DAB1: variants seen among roughly 807,000 people sequenced by gnomAD.
DAB1 encodes the protein DAB adaptor protein 1, also known as disabled homolog 1.
DAB1 carries 15 observed loss-of-function variants against 64.6 expected under a neutral mutation model. The ratio of observed to expected loss-of-function variants is 0.23; its 90% CI spans 0.16 to 0.36. The LOEUF (loss-of-function observed/expected upper bound fraction) is 0.36. Ranked by LOEUF, DAB1 falls within the 10% of genes least tolerant of loss-of-function variation. The pLI is 1.00. For missense variants in DAB1, 596 were observed against 706.7 expected (o/e 0.84, Z 1.78); for synonymous variants, 235 against 251.9 (o/e 0.93, Z 0.64).
intron 3 of DAB1, among the ~76,000 whole-genome samples, chr1:58,373,893 T>A (rs1010110156): frequency 2.6e-4 from 39 of 150,832 alleles, no homozygotes; most frequent in African/African-American, 9.5e-4. Context: ...AGATGATATC[T>A]CATAGTGGTT....
intron 9 of DAB1, among the ~76,000 whole-genome samples, chr1:57,049,450 C>CAAA (rs574438911): frequency 0.049 from 1,199 of 24,556 alleles, 132 homozygotes; most frequent in South Asian, 0.067. Flanking sequence ...GACTCCGTCT[C>CAAA]AAAAAAAAAA....
intron 4 of DAB1, among the ~76,000 whole-genome samples, chr1:58,336,623 G>A (rs956505437): frequency 6.6e-6 from 1 of 152,086 alleles, no homozygotes; most frequent in Non-Finnish European, 1.5e-5. Flanking sequence ...CAAATTCTAG[G>A]CTCTTTTCAT....
chr1:57,691,140 A>G lies in DAB1; in HGVS notation n.552-41475T>C, dbSNP rs986860989. 3.9e-5 allele frequency among the ~76,000 whole-genome samples: 6 copies of G among 152,222 alleles called. No individual in the cohort carries two copies. In the South Asian group the frequency reaches 1.2e-3, roughly 32 times the overall value. ...CCTGGGTCGAGTGGGGACTTGGAGA[A>G]GTTTTCTGTCTAGCTAGGGGATTGT... On this transcript the variant is annotated intron_variant and non_coding_transcript_variant, in intron 6 of 20. Transcript: ENST00000485760.
intron 7 of DAB1, among the ~76,000 whole-genome samples, chr1:57,489,435 G>A (rs182346687): frequency 2.6e-4 from 40 of 152,116 alleles, no homozygotes; most frequent in African/African-American, 9.4e-4. Flanking sequence ...TCTGGGACTC[G>A]GGATGGGAAA....
intron 1 of DAB1, chr1:58,536,669 A>T (rs1340441010): frequency 2.3e-6 from 2 of 872,790 alleles, no homozygotes; most frequent in Non-Finnish European, 4.0e-6. Context: ...GCTTCCATTT[A>T]TTCTTCCTTA....
chr1:58,021,720 A>G (rs937314755), intron 5 of DAB1, among the ~76,000 whole-genome samples: 3 of 152,192 alleles, frequency 2.0e-5, no homozygotes, highest in Admixed American at 2.0e-4. Flanking sequence ...AAGAGAATGG[A>G]AGTCTGGAGG....
intron 4 of DAB1, among the ~76,000 whole-genome samples, chr1:58,264,530 G>A (rs1010493332): frequency 7.2e-5 from 11 of 152,176 alleles, no homozygotes; most frequent in African/African-American, 2.7e-4. Context: ...TTCAGACTTG[G>A]TTTTCCCAAT....
intron 4 of DAB1, among the ~76,000 whole-genome samples, chr1:58,228,130 A>T (rs1054490874): frequency 1.3e-5 from 2 of 152,184 alleles, no homozygotes; most frequent in Non-Finnish European, 2.9e-5. Flanking sequence ...GGAGTAAGAG[A>T]TGGAGCAGTA....
At chr1:57,436,370 A>C (rs764683086) in intron 7 of DAB1, among the ~76,000 whole-genome samples, 4 of 152,180 alleles carry the variant, frequency 2.6e-5, no homozygotes, top group Admixed American at 6.5e-5. Context: ...CATATGACGG[A>C]TCAAACTACT....
At chr1:57,062,342 C>T (rs562893689) in intron 9 of DAB1, among the ~76,000 whole-genome samples, 2 of 152,004 alleles carry the variant, frequency 1.3e-5, no homozygotes, top group Non-Finnish European at 2.9e-5. Flanking sequence ...TCCTACTGTC[C>T]CTTTGAAACT....
chr1:58,528,587 G>A (rs1471532640), intron 1 of DAB1, among the ~76,000 whole-genome samples: 5 of 152,164 alleles, frequency 3.3e-5, no homozygotes, highest in Non-Finnish European at 7.4e-5. Context: ...TCTAGGGAAT[G>A]GGGGTCAGAA....
intron 5 of DAB1, among the ~76,000 whole-genome samples, chr1:58,010,993 C>G (rs568172925): frequency 6.6e-6 from 1 of 152,342 alleles, no homozygotes; most frequent in East Asian, 1.9e-4. Flanking sequence ...GTGGTAACTA[C>G]TATTTTTACT....
rs116193987 is a variant in DAB1 at position 58,069,509 on chromosome 1, G to A, written n.387+81002C>T. Among the ~76,000 whole-genome samples the A allele has an allele frequency of 6.4e-3, 976 of 152,068 alleles. 8 individuals carry two copies. The highest frequency in any genetic ancestry group is 0.022 in the African/African-American group (922 of 41,512). On this transcript the variant is annotated intron_variant and non_coding_transcript_variant, in intron 5 of 20. Transcript: ENST00000485760. ...CATAACCAATCCTATGCACTGTGGC[G>A]GGCAATTGTCCCTATTTTAAAAATA... is the stretch of plus-strand genomic sequence containing the variant.
intron 2 of DAB1, among the ~76,000 whole-genome samples, chr1:57,273,596 T>TCCC (rs1558067365): frequency 8.6e-6 from 1 of 116,772 alleles, no homozygotes; most frequent in African/African-American, 3.7e-5. Flanking sequence ...CCTTCCTTCC[T>TCCC]TCCTTCCTTC....
At chr1:58,058,619 C>T (rs1648294011) in intron 5 of DAB1, among the ~76,000 whole-genome samples, 2 of 152,162 alleles carry the variant, frequency 1.3e-5, no homozygotes, top group Admixed American at 1.3e-4. Context: ...GCTGGAACTA[C>T]AGGAGTGCAG....
At chr1:57,844,636 C>A (rs971528611) in intron 1 of DAB1, among the ~76,000 whole-genome samples, 2 of 152,192 alleles carry the variant, frequency 1.3e-5, no homozygotes, top group Admixed American at 1.3e-4. Context: ...ACCTTCTCTG[C>A]CCTGCTCTAA....
chr1:57,145,499 C>A, intron 2 of DAB1, 70 bp from the exon 3 acceptor site: 2 of 1,513,972 alleles, frequency 1.3e-6, no homozygotes, highest in East Asian at 4.5e-5. Flanking sequence ...ATCCACAATT[C>A]CAAGATCCGC....
intron 1 of DAB1, chr1:58,527,416 A>C: frequency 1.3e-6 from 1 of 754,998 alleles, no homozygotes; most frequent in East Asian, 2.5e-5. Flanking sequence ...TTTTTAAAAA[A>C]CAGTTTCATG....
chr1:58,036,436 C>T (rs559727079), intron 5 of DAB1, among the ~76,000 whole-genome samples: 40 of 152,292 alleles, frequency 2.6e-4, no homozygotes, highest in African/African-American at 9.1e-4. Flanking sequence ...AGATCTAGCT[C>T]TCCTCTTTCT....
Sources: gnomAD v4.1 joint callset for allele counts (sites outside exome capture counted in the v4.1 genomes callset) on GRCh38, gnomAD v4.1.1 for gene constraint, MANE v1.5 for transcripts, NCBI Gene and HGNC (gene_info 2026-07-23, HGNC 2026-07-21) for gene names.